Variants in CORO7 observed in about 807,000 individuals in gnomAD.
CORO7 encodes the protein coronin 7, also known as coronin-7.
Under a neutral mutation model 126.6 loss-of-function variants are expected in CORO7, and 107 were observed. The ratio of observed to expected loss-of-function variants is 0.85; its 90% CI spans 0.72 to 0.99. The LOEUF is 0.99. CORO7 is among the 50% of genes least tolerant of loss of function. The pLI is 0.00. For synonymous variants in CORO7, 603 were observed against 536.8 expected, an observed-to-expected ratio of 1.12 and a Z score of -1.70; for missense variants, 1,314 against 1,255.8, an observed-to-expected ratio of 1.05 and a Z score of -0.70.
Position 4,416,591 on chromosome 16 carries a change from G to A in CORO7, c.-73C>T. 2.0e-6 allele frequency: 3 copies of A among 1,536,458 alleles called. No individual in the cohort carries two copies. The highest frequency in any genetic ancestry group is 1.2e-5 in the South Asian group (1 of 83,320). On this transcript the variant is annotated 5_prime_UTR_variant, in exon 1 of 28. Transcript: ENST00000251166. ...GGTCTCAGGTGCACGCTGAGCAACC[G>A]CGACTCCCGCTGCCTCGGCCCCACC...
At chr16:4,382,570 C>T (rs1436026889) in intron 9 of CORO7, 4 of 1,593,562 alleles carry the variant, frequency 2.5e-6, no homozygotes, top group East Asian at 4.6e-5. Flanking sequence ...CAACCACGCC[C>T]CAGTCACCCA....
rs959591861 is a variant in CORO7, at chr16:4,365,046, C to G, written c.855G>C (p.Leu285=). 1.6e-5 allele frequency: 26 copies of G among 1,603,010 alleles called. No homozygotes were observed. The highest frequency in any genetic ancestry group is 2.0e-5 in the Non-Finnish European group (24 of 1,175,178). The change falls in exon 11 of 28, where the codon CTG becomes CTC. Residue 285 remains leucine, a synonymous_variant. Transcript: ENST00000251166. ...LVLAGKGERQ[L]YCYEVVPQQP... The stretch of plus-strand genomic sequence containing the variant: ...GCTGCGGGACCACCTCGTAACAGTA[C>G]AGCTGCCTCTCGCCCTGAAATGAGT...
intron 9 of CORO7, chr16:4,383,031 G>C: frequency 9.7e-7 from 1 of 1,025,838 alleles, no homozygotes; most frequent in Non-Finnish European, 1.4e-6. Context: ...TGTGACCACA[G>C]CTGGGCCCTG....
Position 4,381,009 on chromosome 16 carries a change from C to T in CORO7, c.785+6977G>A, listed in dbSNP as rs1026208680. ...TCTTCTGCACTGCCCGCCAGGGGAC[C>T]ACGGTGCCCCGAGACGTGCCACCCG... On this transcript the variant is annotated intron_variant, in intron 9 of 27. Coordinates refer to ENST00000251166, the MANE Select transcript of CORO7 (RefSeq NM_024535.5). The T allele has an allele frequency of 2.5e-6, 4 of 1,608,962 alleles. No individual in the cohort carries two copies. In the African/African-American group the frequency reaches 5.3e-5, roughly 21 times the overall value.
Position 4,394,465 on chromosome 16 carries a change from A to C in CORO7, c.615+824T>G, listed in dbSNP as rs533742178. On this transcript the variant is annotated intron_variant, in intron 7 of 27. Coordinates refer to ENST00000251166, the MANE Select transcript of CORO7 (RefSeq NM_024535.5). ...CTCCGTCTCAAAAAAAAAAAAAAAA[A>C]AACTCTCTAATGGCTTCCCACAGCC... Among the ~76,000 whole-genome samples, 846 of 151,950 alleles carry C rather than the reference A, an allele frequency of 5.6e-3. 10 individuals are homozygous for C. Among genetic ancestry groups the C allele is most frequent in the African/African-American group, 0.019 (795 of 41,440 alleles).
At chr16:4,370,964 G>C (rs1212052111) in intron 9 of CORO7, among the ~76,000 whole-genome samples, 1 of 152,250 alleles carries the variant, frequency 6.6e-6, no homozygotes, top group Non-Finnish European at 1.5e-5. Context: ...AACGCGGAGG[G>C]GGAGGAGGGC....
chr16:4,376,960 G>A (rs1048972120), intron 9 of CORO7, among the ~76,000 whole-genome samples: 2 of 152,170 alleles, frequency 1.3e-5, no homozygotes, highest in African/African-American at 4.8e-5. Context: ...GACGCCCTCC[G>A]CAGTGAATGT....
chr16:4,384,664 G>A (rs761557563), intron 9 of CORO7, among the ~76,000 whole-genome samples: 1 of 152,234 alleles, frequency 6.6e-6, no homozygotes, highest in Non-Finnish European at 1.5e-5. Context: ...GATTCAATTA[G>A]CGGCTGCTGA....
At position 4,365,057 on chromosome 16, in the gene CORO7, C is replaced by T. The variant is rs757304112; in HGVS notation, c.844G>A (p.Glu282Lys). The change falls in exon 11 of 28, where the codon GAG becomes AAG. Residue 282 changes from glutamate (E) to lysine (K), a missense_variant. Transcript: ENST00000251166. Reference protein sequence around the residue: ...SGLLVLAGKGERQLYCYEVVP... With the variant: ...SGLLVLAGKGKRQLYCYEVVP... ...ACCTCGTAACAGTACAGCTGCCTCT[C>T]GCCCTGAAATGAGTCTGAACTGAGC... The T allele has an allele frequency of 1.2e-5, 19 of 1,598,920 alleles. No homozygotes were observed. Among genetic ancestry groups the T allele is most frequent in the South Asian group, 1.1e-4 (10 of 88,808 alleles).
chr16:4,366,615 C>T (rs1470523952), intron 9 of CORO7, among the ~76,000 whole-genome samples: 1 of 150,192 alleles, frequency 6.7e-6, no homozygotes, highest in Non-Finnish European at 1.5e-5. Context: ...AATCATTGCT[C>T]ACTGCAGCCT....
Position 4,361,418 on chromosome 16 carries a change from C to T in CORO7, c.1630G>A (p.Gly544Arg). 6.2e-7 allele frequency: 1 copy of T among 1,611,936 alleles called. No individual in the cohort carries two copies. Among genetic ancestry groups the T allele is most frequent in the Non-Finnish European group, 8.5e-7 (1 of 1,179,738 alleles). ...PDTALPTLQN[G>R]AAVTDLAWDP... ...CAGGCCAGATCAGTCACAGCTGCCC[C>T]ATTCTGCAGCGTGGGCAGTGCCGTG... The change falls in exon 17 of 28, where the codon GGG (glycine) becomes AGG (arginine). Residue 544 changes from glycine (G) to arginine (R), a missense_variant. Gly to Arg is a moderately radical substitution (Grantham distance 125, BLOSUM62 -2). Coordinates refer to ENST00000251166, the MANE Select transcript of CORO7 (RefSeq NM_024535.5).
intron 6 of CORO7, among the ~76,000 whole-genome samples, chr16:4,397,814 C>T (rs892246069): frequency 2.0e-5 from 3 of 152,084 alleles, no homozygotes; most frequent in African/African-American, 7.2e-5. Flanking sequence ...GGGGTTTTGC[C>T]ATGTTGGACA....
intron 9 of CORO7, chr16:4,382,628 C>T (rs777416034): frequency 2.7e-5 from 42 of 1,570,762 alleles, no homozygotes; most frequent in African/African-American, 8.1e-5. Flanking sequence ...GCCCTGGCCG[C>T]GGTGCTCCTG....
intron 9 of CORO7, among the ~76,000 whole-genome samples, chr16:4,384,475 A>G (rs115065211): frequency 6.6e-6 from 1 of 152,112 alleles, no homozygotes; most frequent in Non-Finnish European, 1.5e-5. Context: ...CACCCAGAAC[A>G]TGCTGGAGTG....
At chr16:4,413,196 A>T (rs2056278361) in intron 2 of CORO7, 112 bp downstream of exon 2, 2 of 1,125,238 alleles carry the variant, frequency 1.8e-6, no homozygotes, top group South Asian at 3.1e-5. Flanking sequence ...CCCCCAAAGC[A>T]GTTCCGTTCC....
chr16:4,399,385 G>A (rs2055718351), intron 6 of CORO7, among the ~76,000 whole-genome samples: 1 of 152,178 alleles, frequency 6.6e-6, no homozygotes. Flanking sequence ...AGCCCCAAAA[G>A]AGCAAATAGT....
At chr16:4,410,881 C>A (rs967259737) in intron 3 of CORO7, among the ~76,000 whole-genome samples, 1 of 152,226 alleles carries the variant, frequency 6.6e-6, no homozygotes, top group Non-Finnish European at 1.5e-5. Context: ...TCCAATAAAA[C>A]TATTTACAAA....
chr16:4,397,683 G>A (rs113496639), intron 6 of CORO7, among the ~76,000 whole-genome samples: 200 of 151,820 alleles, frequency 1.3e-3, no homozygotes, highest in African/African-American at 4.6e-3. Flanking sequence ...GCGCGATCTC[G>A]GCTCACTGCA....
chr16:4,390,007 A>G (rs2055331401), intron 7 of CORO7, among the ~76,000 whole-genome samples: 1 of 152,230 alleles, frequency 6.6e-6, no homozygotes, highest in African/African-American at 2.4e-5. Context: ...TTCTCTCGTC[A>G]TATGGGTATT....
Sources: gnomAD v4.1 joint callset for allele counts (sites outside exome capture counted in the v4.1 genomes callset) on GRCh38, gnomAD v4.1.1 for gene constraint, MANE v1.5 for transcripts, NCBI Gene and HGNC (gene_info 2026-07-23, HGNC 2026-07-21) for gene names.